Variants in LEKR1 observed in about 807,000 individuals in gnomAD.
The protein encoded by LEKR1 is leucine, glutamate and lysine rich 1, also known as protein LEKR1.
Under a neutral mutation model 72.4 loss-of-function variants are expected in LEKR1, and 59 were observed. That is an observed-to-expected ratio of 0.82 (90% CI 0.66 to 1.01). The LOEUF is 1.01. Ranked by LOEUF, LEKR1 falls within the 50% of genes least tolerant of loss-of-function variation. The probability of loss-of-function intolerance (pLI) is 0.00; values close to 1 mark genes in which losing one functional copy is unlikely to be tolerated. For missense variants in LEKR1, 728 were observed against 759.2 expected (o/e 0.96, Z 0.48); for synonymous variants, 257 against 263.2 (o/e 0.98, Z 0.23).
intron 6 of LEKR1, among the ~76,000 whole-genome samples, chr3:156,976,451 A>T (rs1427130102): frequency 6.6e-6 from 1 of 152,098 alleles, no homozygotes; most frequent in Admixed American, 6.6e-5. Context: ...GTTCTCTCTG[A>T]TGAAATCTTC....
chr3:156,974,908 G>T (rs1729558408), intron 6 of LEKR1, among the ~76,000 whole-genome samples: 1 of 152,082 alleles, frequency 6.6e-6, no homozygotes, highest in Non-Finnish European at 1.5e-5. Context: ...GTGACACCAG[G>T]TCCAAGTGCA....
At chr3:156,924,762 T>C (rs1724546286) in intron 4 of LEKR1, 1 of 374,558 alleles carries the variant, frequency 2.7e-6, no homozygotes, top group South Asian at 1.2e-4. Flanking sequence ...TCACCATAAA[T>C]GTAAAGGATT....
At chr3:156,885,441 G>T (rs763068534) in intron 3 of LEKR1, among the ~76,000 whole-genome samples, 5 of 152,168 alleles carry the variant, frequency 3.3e-5, no homozygotes, top group Non-Finnish European at 7.3e-5. Flanking sequence ...GAAACTCAAG[G>T]CTTGCTGTTC....
intron 3 of LEKR1, among the ~76,000 whole-genome samples, chr3:156,864,055 T>G (rs1280207901): frequency 6.6e-6 from 1 of 152,050 alleles, no homozygotes; most frequent in Non-Finnish European, 1.5e-5. Context: ...AGATGGAAAA[T>G]TATTTTAATC....
chr3:156,907,017 T>G (rs1235662520), intron 3 of LEKR1, among the ~76,000 whole-genome samples: 2 of 152,168 alleles, frequency 1.3e-5, no homozygotes, highest in African/African-American at 4.8e-5. Context: ...ATCTACTATT[T>G]CTACATTTTT....
intron 3 of LEKR1, among the ~76,000 whole-genome samples, chr3:156,903,760 A>C (rs62275258): frequency 0.032 from 4,838 of 152,266 alleles, 116 homozygotes; most frequent in Non-Finnish European, 0.047. Context: ...TCCACAGTTC[A>C]TAAGTTTTAC....
chr3:157,038,058 C>T (rs753935191), intron 12 of LEKR1, among the ~76,000 whole-genome samples: 1 of 152,118 alleles, frequency 6.6e-6, no homozygotes, highest in Non-Finnish European at 1.5e-5. Context: ...TAGAAAGCCA[C>T]CTAGGAATTT....
chr3:156,904,375 C>T (rs762019886), intron 3 of LEKR1, among the ~76,000 whole-genome samples: 2 of 149,676 alleles, frequency 1.3e-5, no homozygotes, highest in Non-Finnish European at 3.0e-5. Context: ...CTTTTGCCTC[C>T]TTTTTGTGAA....
intron 1 of LEKR1, among the ~76,000 whole-genome samples, chr3:156,827,382 A>C (rs1019364202): frequency 7.2e-5 from 11 of 152,166 alleles, no homozygotes; most frequent in East Asian, 3.8e-4. Context: ...TTCGTTATGG[A>C]GCTGTGCATT....
intron 12 of LEKR1, among the ~76,000 whole-genome samples, chr3:157,042,201 T>C (rs1287608350): frequency 6.6e-6 from 1 of 152,158 alleles, no homozygotes; most frequent in Non-Finnish European, 1.5e-5. Context: ...AGAATAGAAG[T>C]ATCAATTTTG....
chr3:157,013,601 C>T (rs528453368), intron 10 of LEKR1, among the ~76,000 whole-genome samples: 36 of 152,016 alleles, frequency 2.4e-4, no homozygotes, highest in Admixed American at 1.8e-3. Context: ...CATTTCATTT[C>T]GTTGAAAGGG....
At chr3:156,957,237 G>A (rs902924295) in intron 6 of LEKR1, among the ~76,000 whole-genome samples, 2 of 151,912 alleles carry the variant, frequency 1.3e-5, no homozygotes, top group African/African-American at 4.8e-5. Flanking sequence ...ATGACAATAT[G>A]ACCACTGGGC....
Position 157,024,907 on chromosome 3 carries a change from G to A in LEKR1, c.1351G>A (p.Glu451Lys), listed in dbSNP as rs747594675. The A allele has an allele frequency of 1.3e-6, 2 of 1,588,354 alleles. No individual in the cohort carries two copies. Among genetic ancestry groups the A allele is most frequent in the East Asian group, 4.5e-5 (2 of 44,678 alleles). The change falls in exon 11 of 13, where the codon GAG becomes AAG. Residue 451 changes from glutamate (E) to lysine (K), a missense_variant. By Grantham distance (56) the Glu-to-Lys change is moderately conservative. Transcript: ENST00000356539. ...AATCCAAAAGTATAAGAAAGAACAA[G>A]AGGAACTACAAATGAAGGTCTGTAA... The part of the protein sequence containing the change: ...DVIQKYKKEQ[E>K]ELQMKISDLI...
chr3:157,007,935 T>G (rs1204618243), intron 9 of LEKR1, among the ~76,000 whole-genome samples: 1 of 152,110 alleles, frequency 6.6e-6, no homozygotes, highest in Non-Finnish European at 1.5e-5. Flanking sequence ...GGAGATAAAA[T>G]TTAAGAGTTG....
intron 6 of LEKR1, among the ~76,000 whole-genome samples, chr3:156,964,277 T>A (rs2107986118): frequency 6.6e-6 from 1 of 152,276 alleles, no homozygotes; most frequent in South Asian, 2.1e-4. Flanking sequence ...TCCCCCCTCC[T>A]ATTTTCTTTA....
At chr3:157,018,880 T>C (rs1733592991) in intron 10 of LEKR1, among the ~76,000 whole-genome samples, 1 of 152,242 alleles carries the variant, frequency 6.6e-6, no homozygotes, top group South Asian at 2.1e-4. Flanking sequence ...TCAGTGAACA[T>C]TCTCTCCTTC....
intron 3 of LEKR1, chr3:156,888,404 G>A (rs1720323637): frequency 4.3e-6 from 3 of 697,616 alleles, no homozygotes; most frequent in Non-Finnish European, 7.8e-6. Context: ...ATAGGTCTGT[G>A]ATTTGTTTTC....
At chr3:156,934,836 A>G (rs904480724) in intron 5 of LEKR1, among the ~76,000 whole-genome samples, 1 of 152,260 alleles carries the variant, frequency 6.6e-6, no homozygotes, top group East Asian at 1.9e-4. Flanking sequence ...TACACTTAAA[A>G]TATATCATGA....
At chr3:156,967,948 A>G (rs957677090) in intron 6 of LEKR1, among the ~76,000 whole-genome samples, 41 of 152,348 alleles carry the variant, frequency 2.7e-4, no homozygotes, top group Admixed American at 3.9e-4. Flanking sequence ...TCTACAAGCC[A>G]GAAGAGAGGC....
Sources: allele counts gnomAD v4.1 joint callset (sites outside exome capture counted in the v4.1 genomes callset), GRCh38; gene constraint gnomAD v4.1.1; transcripts MANE v1.5; gene names NCBI Gene and HGNC (gene_info 2026-07-23, HGNC 2026-07-21).